GABRB1: variants seen among roughly 807,000 people sequenced by gnomAD.
GABRB1 encodes the protein gamma-aminobutyric acid receptor subunit beta-1.
A neutral mutation model predicts 51.6 loss-of-function variants in GABRB1; 17 were observed. The observed-to-expected ratio is 0.33, with a 90% CI of 0.23 to 0.49. GABRB1 has a LOEUF of 0.49. Among genes scored for constraint, GABRB1 ranks in the 20% least tolerant of loss-of-function variants. The pLI, the probability that GABRB1 is intolerant of heterozygous loss-of-function variation, is 0.99. For synonymous variants in GABRB1, 247 were observed against 218.9 expected, an observed-to-expected ratio of 1.13 and a Z score of -1.14; for missense variants, 410 against 600.6, an observed-to-expected ratio of 0.68 and a Z score of 3.32.
At chr4:47,129,739 T>C (rs1409383651) in intron 3 of GABRB1, among the ~76,000 whole-genome samples, 1 of 152,144 alleles carries the variant, frequency 6.6e-6, no homozygotes, top group East Asian at 1.9e-4. Context: ...GATTAGACAT[T>C]GGTTGGGCCG....
intron 4 of GABRB1, among the ~76,000 whole-genome samples, chr4:47,319,887 A>G (rs890040984): frequency 2.6e-4 from 40 of 152,174 alleles, no homozygotes; most frequent in Admixed American, 5.9e-4. Flanking sequence ...TCAGATTTCT[A>G]TTTATTATTG....
In GABRB1 at chr4:47,076,781, A is replaced by T. The variant is rs114140833; in HGVS notation, c.240+44297A>T. Among the ~76,000 whole-genome samples the T allele has an allele frequency of 6.8e-3, 1,031 of 152,286 alleles. 13 individuals carry two copies. Among genetic ancestry groups the T allele is most frequent in the African/African-American group, 0.023 (975 of 41,546 alleles). On this transcript the variant is annotated intron_variant, in intron 3 of 8. Transcript: ENST00000295454. The stretch of plus-strand genomic sequence containing the variant: ...TCTCCCAGAGACAACATACTTGATT[A>T]GCCATTTTCCCCAACAGATCTCTGT...
At chr4:47,110,183 T>C (rs1397269292) in intron 3 of GABRB1, among the ~76,000 whole-genome samples, 2 of 152,102 alleles carry the variant, frequency 1.3e-5, no homozygotes, top group Non-Finnish European at 2.9e-5. Context: ...CTTAAAGATA[T>C]TGGGCCAAAT....
At chr4:46,998,022 C>T (rs1469721175) in intron 1 of GABRB1, among the ~76,000 whole-genome samples, 1 of 152,108 alleles carries the variant, frequency 6.6e-6, no homozygotes, top group Non-Finnish European at 1.5e-5. Flanking sequence ...AATAGCTGTA[C>T]CAGCTTACAT....
intron 3 of GABRB1, among the ~76,000 whole-genome samples, chr4:47,148,968 C>A (rs1470438681): frequency 6.6e-6 from 1 of 151,946 alleles, no homozygotes; most frequent in African/African-American, 2.4e-5. Flanking sequence ...CATGCTTAAA[C>A]CATGCTTGTT....
At chr4:47,059,858 C>G (rs748589424) in intron 3 of GABRB1, among the ~76,000 whole-genome samples, 2 of 152,162 alleles carry the variant, frequency 1.3e-5, no homozygotes, top group African/African-American at 4.8e-5. Context: ...CTTATTCAAC[C>G]GCTTGCTGGT....
At chr4:47,201,554 T>C (rs1313317233) in intron 4 of GABRB1, among the ~76,000 whole-genome samples, 2 of 152,170 alleles carry the variant, frequency 1.3e-5, no homozygotes, top group African/African-American at 2.4e-5. Flanking sequence ...TGGTTACCTT[T>C]TATGAAAAGA....
chr4:47,049,063 G>GAAA (rs5858051), intron 3 of GABRB1, among the ~76,000 whole-genome samples: 1 of 138,576 alleles, frequency 7.2e-6, no homozygotes. Flanking sequence ...GATGAGAAGA[G>GAAA]AAAAAAAAAA....
At chr4:47,400,902 T>G (rs952484298) in intron 5 of GABRB1, among the ~76,000 whole-genome samples, 2 of 151,544 alleles carry the variant, frequency 1.3e-5, no homozygotes, top group South Asian at 4.1e-4. Flanking sequence ...GATACATTAT[T>G]TTGTTCTTTT....
chr4:47,032,161 C>CA (rs71193897), intron 2 of GABRB1, among the ~76,000 whole-genome samples, 156 bp downstream of exon 2: 3 of 141,800 alleles, frequency 2.1e-5, no homozygotes, highest in African/African-American at 5.7e-5. Flanking sequence ...CACACACACA[C>CA]CCCGGGTCCC....
At chr4:47,388,451 G>T (rs1727874791) in intron 5 of GABRB1, among the ~76,000 whole-genome samples, 1 of 152,178 alleles carries the variant, frequency 6.6e-6, no homozygotes, top group African/African-American at 2.4e-5. Context: ...TGCTTTAGGT[G>T]TGTTAGGTCC....
chr4:47,045,707 G>A (rs774103140), intron 3 of GABRB1, among the ~76,000 whole-genome samples: 15 of 151,914 alleles, frequency 9.9e-5, no homozygotes, highest in Admixed American at 6.6e-4. Flanking sequence ...TTTCCTAAGG[G>A]CTCATTTATG....
intron 3 of GABRB1, among the ~76,000 whole-genome samples, chr4:47,034,290 G>A (rs1725459683): frequency 6.6e-6 from 1 of 151,654 alleles, no homozygotes. Context: ...AATTAAATAG[G>A]GAAGTTGCTG....
intron 4 of GABRB1, among the ~76,000 whole-genome samples, chr4:47,206,089 A>G (rs1170864995): frequency 6.6e-6 from 1 of 152,024 alleles, no homozygotes; most frequent in African/African-American, 2.4e-5. Flanking sequence ...TCTTAAAACC[A>G]TGAATTGACC....
chr4:47,058,816 C>A (rs1437281719), intron 3 of GABRB1, among the ~76,000 whole-genome samples: 1 of 152,042 alleles, frequency 6.6e-6, no homozygotes, highest in African/African-American at 2.4e-5. Flanking sequence ...TTCTTGTCCA[C>A]CCCAGTAGAT....
chr4:47,134,908 GA>G, intron 3 of GABRB1, among the ~76,000 whole-genome samples: 1 of 152,278 alleles, frequency 6.6e-6, no homozygotes, highest in East Asian at 1.9e-4. Flanking sequence ...CTTAGAGCCA[GA>G]AGTTTGAGAT....
intron 8 of GABRB1, among the ~76,000 whole-genome samples, chr4:47,410,595 A>G (rs547583719): frequency 6.6e-6 from 1 of 152,356 alleles, no homozygotes; most frequent in South Asian, 2.1e-4. Flanking sequence ...GTGAGCCACA[A>G]CAGAAACTCG....
chr4:47,265,884 T>G (rs1395545234), intron 4 of GABRB1, among the ~76,000 whole-genome samples: 2 of 152,158 alleles, frequency 1.3e-5, no homozygotes, highest in Admixed American at 1.3e-4. Context: ...ACATTCTCTC[T>G]AATTTACATG....
At chr4:47,137,523 TAAAG>T (rs961805689) in intron 3 of GABRB1, among the ~76,000 whole-genome samples, 2 of 152,168 alleles carry the variant, frequency 1.3e-5, no homozygotes, top group African/African-American at 4.8e-5. Flanking sequence ...TTTAGATACA[TAAAG>T]AGAGTACAAT....
Sources: gnomAD v4.1 joint callset for allele counts (sites outside exome capture counted in the v4.1 genomes callset) on GRCh38, gnomAD v4.1.1 for gene constraint, MANE v1.5 for transcripts, NCBI Gene and HGNC (gene_info 2026-07-23, HGNC 2026-07-21) for gene names.